The following DSCAML1 variants were observed in gnomAD, a reference collection of about 807,000 sequenced individuals.
DSCAML1 encodes cell adhesion molecule DSCAML1.
Under a neutral mutation model 200.5 loss-of-function variants are expected in DSCAML1, and 38 were observed. The ratio of observed to expected loss-of-function variants is 0.19; its 90% CI spans 0.15 to 0.25. The LOEUF (loss-of-function observed/expected upper bound fraction) is 0.25. DSCAML1 is among the 10% of genes least tolerant of loss of function. DSCAML1 has a pLI of 1.00. For missense variants in DSCAML1, 2,223 were observed against 2,858.8 expected, an observed-to-expected ratio of 0.78 and a Z score of 5.07; for synonymous variants, 1,215 against 1,165.0, an observed-to-expected ratio of 1.04 and a Z score of -0.87.
rs563168195 is a variant in DSCAML1, at chr11:117,765,155, C to A, written c.511+11636G>T. ...AGAGGAAACACCTCAACCTTAGAGGCCTTTGTCCAGGCCCAGGGCCCCTCC... is the reference window on the plus strand; with the variant it reads ...AGAGGAAACACCTCAACCTTAGAGGACTTTGTCCAGGCCCAGGGCCCCTCC... On this transcript the variant is annotated intron_variant, in intron 3 of 32. Transcript: ENST00000651296. Among the ~76,000 whole-genome samples the A allele has an allele frequency of 1.6e-3, 245 of 152,322 alleles. 2 individuals are homozygous for A. The highest frequency in any genetic ancestry group is 3.4e-3 in the Middle Eastern group (1 of 294).
chr11:117,478,811 C>T (rs185311231), intron 14 of DSCAML1, among the ~76,000 whole-genome samples: 101 of 152,342 alleles, frequency 6.6e-4, no homozygotes, highest in African/African-American at 2.4e-3. Flanking sequence ...TACCCAAGAC[C>T]CATCTCAGTG....
chr11:117,452,628 T>A (rs948839474), intron 19 of DSCAML1, among the ~76,000 whole-genome samples: 4 of 152,228 alleles, frequency 2.6e-5, no homozygotes, highest in African/African-American at 9.6e-5. Context: ...CAGGTTTAAA[T>A]ATACCATCTT....
chr11:117,464,158 G>A (rs1339624108), intron 17 of DSCAML1, among the ~76,000 whole-genome samples: 20 of 148,256 alleles, frequency 1.3e-4, no homozygotes, highest in Non-Finnish European at 2.7e-4. Context: ...CTCTGACTCG[G>A]GGGGCTTTGG....
chr11:117,486,279 C>T (rs1342583970), intron 11 of DSCAML1, among the ~76,000 whole-genome samples: 22 of 149,886 alleles, frequency 1.5e-4, no homozygotes, highest in African/African-American at 3.7e-4. Flanking sequence ...GGGAAAGTGG[C>T]GGATGTGAAA....
intron 3 of DSCAML1, among the ~76,000 whole-genome samples, chr11:117,595,926 T>A (rs181452440): frequency 1.9e-3 from 284 of 152,336 alleles, no homozygotes; most frequent in Middle Eastern, 6.8e-3. Context: ...TGTCATGTCT[T>A]AAGCTCCAAG....
At chr11:117,759,666 T>A (rs1379554218) in intron 3 of DSCAML1, among the ~76,000 whole-genome samples, 1 of 152,122 alleles carries the variant, frequency 6.6e-6, no homozygotes, top group Non-Finnish European at 1.5e-5. Flanking sequence ...AGATACTGAC[T>A]GACTCCCTCT....
chr11:117,559,142 G>GAAAGACAGACAGACAC (rs1452047599), intron 3 of DSCAML1, among the ~76,000 whole-genome samples: 21 of 151,426 alleles, frequency 1.4e-4, no homozygotes, highest in African/African-American at 5.1e-4. Context: ...CAGACACAAA[G>GAAAGACAGACAGACAC]AAAGAAAGAA....
chr11:117,623,101 G>C (rs2051969452), intron 3 of DSCAML1, among the ~76,000 whole-genome samples: 1 of 152,012 alleles, frequency 6.6e-6, no homozygotes, highest in Non-Finnish European at 1.5e-5. Context: ...TCTCTCCTAT[G>C]AGACATGAGA....
At chr11:117,451,205 G>A (rs1308627460) in intron 19 of DSCAML1, among the ~76,000 whole-genome samples, 4 of 152,180 alleles carry the variant, frequency 2.6e-5, no homozygotes, top group African/African-American at 9.7e-5. Flanking sequence ...TACCTTAGAA[G>A]TCACTAGGAA....
At chr11:117,470,548 G>A (rs1274834188) in intron 15 of DSCAML1, among the ~76,000 whole-genome samples, 1 of 152,202 alleles carries the variant, frequency 6.6e-6, no homozygotes, top group Non-Finnish European at 1.5e-5. Flanking sequence ...AGAGAAAATT[G>A]GCACAACACT....
chr11:117,627,245 C>G (rs982822925), intron 3 of DSCAML1, among the ~76,000 whole-genome samples: 4 of 152,170 alleles, frequency 2.6e-5, no homozygotes, highest in Non-Finnish European at 5.9e-5. Flanking sequence ...CTTCCGCCCC[C>G]GGTCTGCTAA....
chr11:117,800,951 T>C (rs2055651482), upstream of DSCAML1: 2 of 152,250 alleles, frequency 1.3e-5, no homozygotes, highest in Admixed American at 1.3e-4. Flanking sequence ...TGGCTTCATA[T>C]GCCCTCTGGA....
intron 3 of DSCAML1, among the ~76,000 whole-genome samples, chr11:117,612,464 A>G (rs1159641152): frequency 2.0e-5 from 3 of 151,126 alleles, no homozygotes; most frequent in Non-Finnish European, 4.4e-5. Context: ...CTAACACACC[A>G]CTAGTCCCTG....
At chr11:117,806,635 T>A (rs984171438) in intron 1 of DSCAML1, among the ~76,000 whole-genome samples, 3 of 152,236 alleles carry the variant, frequency 2.0e-5, no homozygotes, top group Non-Finnish European at 4.4e-5. Flanking sequence ...CATCCCCATT[T>A]TACAGACAGT....
chr11:117,716,903 A>G (rs2053960869), intron 3 of DSCAML1, among the ~76,000 whole-genome samples: 1 of 152,022 alleles, frequency 6.6e-6, no homozygotes, highest in South Asian at 2.1e-4. Flanking sequence ...TGTGGCTTGC[A>G]CGGCCTGAAA....
At chr11:117,670,753 C>T (rs535085785) in intron 3 of DSCAML1, among the ~76,000 whole-genome samples, 9 of 152,230 alleles carry the variant, frequency 5.9e-5, no homozygotes, top group East Asian at 1.9e-4. Context: ...TATTGTAGTC[C>T]GGTTTCTATA....
intron 3 of DSCAML1, among the ~76,000 whole-genome samples, chr11:117,615,166 T>C (rs188244504): frequency 3.8e-4 from 58 of 152,308 alleles, no homozygotes; most frequent in African/African-American, 1.3e-3. Flanking sequence ...TTTTCCCATC[T>C]GGAGAATGAA....
intron 3 of DSCAML1, among the ~76,000 whole-genome samples, chr11:117,728,625 T>C (rs933133960): frequency 5.9e-5 from 9 of 152,196 alleles, no homozygotes; most frequent in African/African-American, 1.9e-4. Context: ...CAAAAATCTA[T>C]TGCATTTCTA....
intron 3 of DSCAML1, among the ~76,000 whole-genome samples, chr11:117,556,159 A>C (rs2050555462): frequency 6.6e-6 from 1 of 152,188 alleles, no homozygotes; most frequent in African/African-American, 2.4e-5. Context: ...GAGATGAAGC[A>C]TTATGAAGTG....
Sources: gnomAD v4.1 joint callset for allele counts (sites outside exome capture counted in the v4.1 genomes callset) on GRCh38, gnomAD v4.1.1 for gene constraint, MANE v1.5 for transcripts, NCBI Gene and HGNC (gene_info 2026-07-23, HGNC 2026-07-21) for gene names.